The following AMOTL1 variants were observed in gnomAD, a reference collection of about 807,000 sequenced individuals.
AMOTL1 encodes the protein angiomotin-like protein 1.
AMOTL1 carries 45 observed loss-of-function variants against 102.9 expected under a neutral mutation model. The ratio of observed to expected loss-of-function variants is 0.44; its 90% CI spans 0.34 to 0.56. The LOEUF (loss-of-function observed/expected upper bound fraction) is 0.56, where lower values mean the gene tolerates loss of function less well. Ranked by LOEUF, AMOTL1 falls within the 20% of genes least tolerant of loss-of-function variation. The pLI is 0.01. For synonymous variants in AMOTL1, 481 were observed against 484.7 expected, an observed-to-expected ratio of 0.99 and a Z score of 0.10; for missense variants, 1,114 against 1,225.6, an observed-to-expected ratio of 0.91 and a Z score of 1.36.
upstream of AMOTL1, among the ~76,000 whole-genome samples, chr11:94,763,428 A>T (rs552305604): frequency 6.6e-6 from 1 of 152,162 alleles, no homozygotes; most frequent in Non-Finnish European, 1.5e-5. Flanking sequence ...ATTTGAGAAT[A>T]TTATTTTATA....
chr11:94,828,988 C>T (rs1952020570), intron 4 of AMOTL1, among the ~76,000 whole-genome samples: 1 of 152,102 alleles, frequency 6.6e-6, no homozygotes, highest in Admixed American at 6.5e-5. Flanking sequence ...CATAACAATA[C>T]AATGGGATTT....
At position 94,743,807 on chromosome 11, in the gene AMOTL1, C is replaced by T. The variant is rs146088490; in HGVS notation, c.136+2819C>T. On this transcript the variant is annotated intron_variant, in intron 3 of 4. Transcript: ENST00000299004. ...CCAACTAGCTGGGATTACAGGTGCC[C>T]GCCACCATGCCCAGCTAATTTTTGG... 1.3e-3 allele frequency among the ~76,000 whole-genome samples: 191 copies of T among 151,840 alleles called. 1 individual carries two copies. The highest frequency in any genetic ancestry group is 4.4e-3 in the African/African-American group (181 of 41,422).
upstream of AMOTL1, among the ~76,000 whole-genome samples, chr11:94,766,912 G>T (rs751390700): frequency 6.6e-6 from 1 of 152,070 alleles, no homozygotes; most frequent in African/African-American, 2.4e-5. Flanking sequence ...CTCGTTTCTG[G>T]TAAAAACGCT....
At chr11:94,842,138 CAGTT>C (rs1429996060) in intron 6 of AMOTL1, among the ~76,000 whole-genome samples, 4 of 152,180 alleles carry the variant, frequency 2.6e-5, no homozygotes, top group South Asian at 2.1e-4. Flanking sequence ...TTTAAAGACT[CAGTT>C]AGAATTTGAT....
At chr11:94,777,072 A>G (rs1230991773) in intron 1 of AMOTL1, among the ~76,000 whole-genome samples, 9 of 152,358 alleles carry the variant, frequency 5.9e-5, no homozygotes, top group Middle Eastern at 3.4e-3. Flanking sequence ...GAAAAGAGAA[A>G]TGGTCTAATG....
chr11:94,728,695 A>G (rs1027839176), intron 1 of AMOTL1, among the ~76,000 whole-genome samples: 3 of 152,162 alleles, frequency 2.0e-5, no homozygotes, highest in Non-Finnish European at 4.4e-5. Context: ...CTGGCATACA[A>G]TAGTCATTCC....
At chr11:94,713,306 G>T (rs1403391754) in intron 1 of AMOTL1, among the ~76,000 whole-genome samples, 1 of 151,760 alleles carries the variant, frequency 6.6e-6, no homozygotes, top group Admixed American at 6.6e-5. Flanking sequence ...CAATACACTA[G>T]GTAGAGTTCT....
At chr11:94,734,512 C>G (rs4303200) in intron 2 of AMOTL1, among the ~76,000 whole-genome samples, 9,157 of 152,238 alleles carry the variant, frequency 0.06, 631 homozygotes, top group East Asian at 0.17. Context: ...TTTGATGAAA[C>G]CTTACTGATA....
intron 3 of AMOTL1, among the ~76,000 whole-genome samples, chr11:94,742,137 G>C (rs537535445): frequency 3.3e-5 from 5 of 152,224 alleles, no homozygotes; most frequent in African/African-American, 1.2e-4. Context: ...TTTCTGACAA[G>C]TTGCGAGGCA....
At position 94,873,881 on chromosome 11, in the gene AMOTL1, C is replaced by T. The variant is rs1953050427; in HGVS notation, c.*3086C>T. On this transcript the variant is annotated 3_prime_UTR_variant, in exon 13 of 13. Coordinates refer to ENST00000433060, the MANE Select transcript of AMOTL1 (RefSeq NM_130847.3). ...GAACTCCTAGAATCACCTATAAATG[C>T]TAGGCATAGATGGAAATTATTGTGT... 6.6e-6 allele frequency: 1 copy of T among 152,160 alleles called. No individual in the cohort carries two copies. The highest frequency in any genetic ancestry group is 1.5e-5 in the Non-Finnish European group (1 of 68,062). The allele number at this position is 152,160 out of a possible 1,614,324, so 9.4% of individuals were successfully genotyped here. A position where few individuals can be genotyped will look rare whatever the true frequency, so the allele number is the denominator to read the frequency against.
chr11:94,792,587 G>GGGCA (rs1398055896), intron 1 of AMOTL1, among the ~76,000 whole-genome samples: 2 of 152,218 alleles, frequency 1.3e-5, no homozygotes, highest in Non-Finnish European at 2.9e-5. Flanking sequence ...TGCTGGGTCT[G>GGGCA]TTGTCATCTG....
intron 1 of AMOTL1, among the ~76,000 whole-genome samples, chr11:94,726,734 T>C (rs1310022333): frequency 6.6e-6 from 1 of 152,196 alleles, no homozygotes; most frequent in Non-Finnish European, 1.5e-5. Context: ...AGTTATTTTA[T>C]ATGGCCTGAG....
chr11:94,813,057 G>A (rs753695460), intron 3 of AMOTL1, among the ~76,000 whole-genome samples: 2 of 152,202 alleles, frequency 1.3e-5, no homozygotes, highest in Non-Finnish European at 2.9e-5. Flanking sequence ...TCCGCAGGAG[G>A]TCACCTAGCC....
At position 94,737,987 on chromosome 11, in the gene AMOTL1, A is replaced by G. The variant is rs116407200; in HGVS notation, c.86-2951A>G. 8.2e-3 allele frequency among the ~76,000 whole-genome samples: 1,257 copies of G among 152,368 alleles called. 18 individuals carry two copies. Among genetic ancestry groups the G allele is most frequent in the African/African-American group, 0.029 (1,196 of 41,586 alleles). ...ACATAGAGTCAAGAAAGGATTTTTAAAAAGACAGGATCATAGTAGTATGTC... is the reference window on the plus strand; with the variant it reads ...ACATAGAGTCAAGAAAGGATTTTTAGAAAGACAGGATCATAGTAGTATGTC... On this transcript the variant is annotated intron_variant, in intron 2 of 4. Coordinates refer to the AMOTL1 transcript ENST00000299004.
upstream of AMOTL1, among the ~76,000 whole-genome samples, chr11:94,766,272 A>G (rs1439419064): frequency 6.6e-6 from 1 of 152,234 alleles, no homozygotes; most frequent in Non-Finnish European, 1.5e-5. Flanking sequence ...TAATAATAGC[A>G]AATGTATATT....
At chr11:94,778,375 T>G (rs1951057649) in intron 1 of AMOTL1, among the ~76,000 whole-genome samples, 1 of 152,216 alleles carries the variant, frequency 6.6e-6, no homozygotes, top group Non-Finnish European at 1.5e-5. Context: ...ATATCTTTTT[T>G]TGATTTCAGT....
intron 2 of AMOTL1, among the ~76,000 whole-genome samples, chr11:94,735,475 A>G (rs1950425100): frequency 6.6e-6 from 1 of 152,164 alleles, no homozygotes; most frequent in African/African-American, 2.4e-5. Flanking sequence ...TTACCCTTTA[A>G]ACACTTAAAT....
rs1215331483 is a variant in AMOTL1 at position 94,874,308 on chromosome 11, C to T, written c.*3513C>T. On this transcript the variant is annotated 3_prime_UTR_variant, in exon 13 of 13. Transcript: ENST00000433060. The stretch of plus-strand genomic sequence containing the variant: ...CCCTTTCTTAGCGTTTTCTTCTCAG[C>T]ATTTTCTCTGCCTCCCAGAGGCTGG... The T allele has an allele frequency of 6.6e-6, 1 of 152,236 alleles. No individual in the cohort carries two copies. Among genetic ancestry groups the T allele is most frequent in the Non-Finnish European group, 1.5e-5 (1 of 68,048 alleles). 9.4% of individuals were successfully genotyped at this position (152,236 alleles called of 1,614,324 possible). A position where few individuals can be genotyped will look rare whatever the true frequency, so the allele number is the denominator to read the frequency against.
chr11:94,747,795 A>C lies in AMOTL1; in HGVS notation c.136+6807A>C, dbSNP rs541585131. Among the ~76,000 whole-genome samples the C allele has an allele frequency of 2.0e-5, 3 of 152,306 alleles. No individual in the cohort carries two copies. The East Asian group carries it at 5.8e-4, about 29-fold the overall frequency. On this transcript the variant is annotated intron_variant, in intron 3 of 4. Transcript: ENST00000299004. ...TGGCTTTACCATCTTCTAGGGGCTC[A>C]GATTCTTTCAGTGATGTTTGCATCC... is the stretch of plus-strand genomic sequence containing the variant.
Sources: gnomAD v4.1 joint callset for allele counts (sites outside exome capture counted in the v4.1 genomes callset) on GRCh38, gnomAD v4.1.1 for gene constraint, MANE v1.5 for transcripts, NCBI Gene and HGNC (gene_info 2026-07-23, HGNC 2026-07-21) for gene names.